Variants in MTHFD1 observed in about 807,000 individuals in gnomAD.
MTHFD1 encodes C-1-tetrahydrofolate synthase, cytoplasmic.
A neutral mutation model predicts 110.3 loss-of-function variants in MTHFD1; 44 were observed. The ratio of observed to expected loss-of-function variants is 0.40; its 90% CI spans 0.31 to 0.51. The LOEUF (loss-of-function observed/expected upper bound fraction) is 0.51. Among genes scored for constraint, MTHFD1 ranks in the 20% least tolerant of loss-of-function variants. The probability of loss-of-function intolerance (pLI) is 0.60; values close to 1 mark genes in which losing one functional copy is unlikely to be tolerated. For synonymous variants in MTHFD1, 402 were observed against 428.8 expected (o/e 0.94, Z 0.77); for missense variants, 909 against 1,173.1 (o/e 0.77, Z 3.29).
chr14:64,428,236 C>T (rs2078133342), intron 12 of MTHFD1, among the ~76,000 whole-genome samples: 1 of 151,312 alleles, frequency 6.6e-6, no homozygotes, highest in African/African-American at 2.4e-5. Flanking sequence ...CTGCCACAGC[C>T]TCCCGAGTAG....
At chr14:64,454,921 G>A (rs752126033) in intron 26 of MTHFD1, 46 bp downstream of exon 26, 20 of 1,595,590 alleles carry the variant, frequency 1.3e-5, no homozygotes, top group Admixed American at 1.7e-5. Context: ...TGCACTTCTC[G>A]TCTGAAGTGT....
At chr14:64,415,294 A>G in intron 4 of MTHFD1, 64 bp from the exon 5 acceptor site, 1 of 1,472,232 alleles carries the variant, frequency 6.8e-7, no homozygotes, top group African/African-American at 1.4e-5. Flanking sequence ...TTGCCTTAGA[A>G]AGTGTTTCTT....
chr14:64,395,478 C>T (rs979114578), intron 1 of MTHFD1, among the ~76,000 whole-genome samples: 2 of 152,210 alleles, frequency 1.3e-5, no homozygotes, highest in African/African-American at 4.8e-5. Context: ...TCCTACCACA[C>T]TTGGTTGCCT....
At chr14:64,444,321 G>T (rs1269852556) in intron 21 of MTHFD1, among the ~76,000 whole-genome samples, 2 of 151,456 alleles carry the variant, frequency 1.3e-5, no homozygotes, top group Non-Finnish European at 2.9e-5. Flanking sequence ...ACATCCCAGG[G>T]TGACTTCCGC....
chr14:64,449,378 C>CA (rs1377275377), intron 23 of MTHFD1, 67 bp from the exon 24 acceptor site: 13 of 1,574,748 alleles, frequency 8.3e-6, no homozygotes, highest in Non-Finnish European at 1.1e-5. Context: ...GGTTTAATGG[C>CA]AAAAAGAAGA....
intron 15 of MTHFD1, 111 bp downstream of exon 15, chr14:64,431,972 A>G: frequency 1.1e-6 from 1 of 880,214 alleles, no homozygotes; most frequent in African/African-American, 1.7e-5. Context: ...AAGTTACATC[A>G]GTAATCATAG....
intron 2 of MTHFD1, among the ~76,000 whole-genome samples, chr14:64,402,520 C>G (rs1439162565): frequency 1.3e-5 from 2 of 152,124 alleles, no homozygotes; most frequent in African/African-American, 2.4e-5. Flanking sequence ...AATACTCAAG[C>G]CTGAATAATC....
chr14:64,449,822 T>C (rs981520573), intron 24 of MTHFD1, among the ~76,000 whole-genome samples, 200 bp downstream of exon 24: 1 of 152,234 alleles, frequency 6.6e-6, no homozygotes, highest in Non-Finnish European at 1.5e-5. Flanking sequence ...GGAGTCTTGC[T>C]CTTTTGCCCA....
At chr14:64,450,734 G>T (rs1279464436) in intron 24 of MTHFD1, among the ~76,000 whole-genome samples, 2 of 152,092 alleles carry the variant, frequency 1.3e-5, no homozygotes, top group East Asian at 3.8e-4. Context: ...TTAAGACAGG[G>T]TCTTGCTCTG....
At chr14:64,414,542 GC>G (rs941350244) in intron 4 of MTHFD1, among the ~76,000 whole-genome samples, 1 of 151,286 alleles carries the variant, frequency 6.6e-6, no homozygotes, top group Non-Finnish European at 1.5e-5. Flanking sequence ...TCCAGTAGCT[GC>G]TATTGTATTG....
At chr14:64,427,610 G>C in intron 12 of MTHFD1, 137 bp downstream of exon 12, 1 of 908,840 alleles carries the variant, frequency 1.1e-6, no homozygotes, top group Non-Finnish European at 1.8e-6. Flanking sequence ...ACAAACCTCT[G>C]TAGTCATGCT....
rs746205764 is a variant in MTHFD1, at chr14:64,435,680, G to A, written c.1597+9G>A. On this transcript the variant is annotated intron_variant, in intron 16 of 27. Coordinates refer to ENST00000652337, the MANE Select transcript of MTHFD1 (RefSeq NM_005956.4). Reference sequence around the variant, plus strand: ...CATAACTTGGCAAAGAGGTACCAGAGCAGTATACAAGCCCCGTTTGTTTTG... The same window carrying A: ...CATAACTTGGCAAAGAGGTACCAGAACAGTATACAAGCCCCGTTTGTTTTG... 23 of 1,547,994 alleles carry A rather than the reference G, an allele frequency of 1.5e-5. No individual in the cohort carries two copies. The highest frequency in any genetic ancestry group is 2.0e-5 in the Non-Finnish European group (22 of 1,119,764).
At position 64,424,833 on chromosome 14, in the gene MTHFD1, G is replaced by C; in HGVS notation, c.757G>C (p.Val253Leu). 1 of 1,614,134 alleles carries C rather than the reference G, an allele frequency of 6.2e-7. No homozygotes were observed. Among genetic ancestry groups the C allele is most frequent in the Non-Finnish European group, 8.5e-7 (1 of 1,180,040 alleles). Reference protein sequence around the residue: ...DDKKPNGRKVVGDVAYDEAKE... With the variant: ...DDKKPNGRKVLGDVAYDEAKE... ...TAAAAAACCAAATGGGAGAAAAGTT[G>C]TGGGTGATGTGGCATACGACGAGGC... The change falls in exon 9 of 28, where the codon GTG becomes CTG. Residue 253 changes from valine (V) to leucine (L), a missense_variant. Physicochemically the swap from Val to Leu is conservative, Grantham distance 32. This residue lies in a region of MTHFD1 where 424 missense variants were observed against 510.4 expected (regional missense o/e 0.83). Transcript: ENST00000652337.
chr14:64,421,749 G>A (rs1279345795), intron 8 of MTHFD1, among the ~76,000 whole-genome samples: 13 of 151,582 alleles, frequency 8.6e-5, no homozygotes, highest in Non-Finnish European at 1.6e-4. Flanking sequence ...TCCGCCTCCC[G>A]AGTAGCTGGG....
intron 8 of MTHFD1, among the ~76,000 whole-genome samples, chr14:64,423,247 C>G (rs1380438416): frequency 6.6e-6 from 1 of 152,078 alleles, no homozygotes; most frequent in Non-Finnish European, 1.5e-5. Context: ...TCTTACGTAT[C>G]TGTGGTGGAA....
chr14:64,413,157 G>C (rs954137548), intron 4 of MTHFD1, among the ~76,000 whole-genome samples: 3 of 151,322 alleles, frequency 2.0e-5, no homozygotes, highest in African/African-American at 7.3e-5. Context: ...TTCGAGACCA[G>C]CCTGGCCAAC....
intron 22 of MTHFD1, among the ~76,000 whole-genome samples, chr14:64,447,302 C>T (rs2078298586): frequency 1.3e-5 from 2 of 151,312 alleles, no homozygotes; most frequent in African/African-American, 4.9e-5. Context: ...ACTACAGGTT[C>T]CTGCCACCAC....
Position 64,441,815 on chromosome 14 carries a change from A to AG in MTHFD1, c.1885-239_1885-238insG, listed in dbSNP as rs1243608086. On this transcript the variant is annotated intron_variant, in intron 19 of 27. Transcript: ENST00000652337. ...GAGACTCCGTGTCAAAAAAAAAAAA[A>AG]AAAAATTAAGCACACTTAACCTGGG... 12 of 599,012 alleles carry AG rather than the reference A, an allele frequency of 2.0e-5. No individual in the cohort carries two copies. In the East Asian group the frequency reaches 3.4e-4, roughly 17 times the overall value. The allele number at this position is 599,012 out of a possible 1,614,324, so 37.1% of individuals were successfully genotyped here. A position where few individuals can be genotyped will look rare whatever the true frequency, so the allele number is the denominator to read the frequency against.
chr14:64,431,915 C>A, intron 15 of MTHFD1, 54 bp downstream of exon 15: 1 of 1,487,116 alleles, frequency 6.7e-7, no homozygotes, highest in East Asian at 2.3e-5. Flanking sequence ...GGAATCTGAT[C>A]ATTGATTAGG....
Sources: gnomAD v4.1 joint callset for allele counts (sites outside exome capture counted in the v4.1 genomes callset) on GRCh38, gnomAD v4.1.1 for gene constraint, gnomAD v4.1.1 regional missense constraint, MANE v1.5 for transcripts, NCBI Gene and HGNC (gene_info 2026-07-23, HGNC 2026-07-21) for gene names.